The following ABLIM1 variants were observed in gnomAD, a reference collection of about 807,000 sequenced individuals.
The protein encoded by ABLIM1 is actin-binding LIM protein 1.
ABLIM1 carries 40 observed loss-of-function variants against 107.0 expected under a neutral mutation model. The ratio of observed to expected loss-of-function variants is 0.37; its 90% CI spans 0.29 to 0.49. The LOEUF is 0.49. ABLIM1 is among the 20% of genes least tolerant of loss of function. The pLI is 0.97. For missense variants in ABLIM1, 857 were observed against 1,008.5 expected, an observed-to-expected ratio of 0.85 and a Z score of 2.04; for synonymous variants, 357 against 357.3, an observed-to-expected ratio of 1.00 and a Z score of 0.01.
chr10:114,732,542 T>C lies in ABLIM1; in HGVS notation c.-213+35519A>G, dbSNP rs548827382. 6.7e-4 allele frequency among the ~76,000 whole-genome samples: 102 copies of C among 152,298 alleles called. 1 individual carries two copies. Among genetic ancestry groups the C allele is most frequent in the Admixed American group, 1.4e-3 (21 of 15,298 alleles). On this transcript the variant is annotated intron_variant, in intron 1 of 15. Coordinates refer to the ABLIM1 transcript ENST00000651092. ...GGTTGCAATTTTGCTTTCTCAATAATGTCATTTAAAGCACAAAAGATTATG... is the reference window on the plus strand; with the variant it reads ...GGTTGCAATTTTGCTTTCTCAATAACGTCATTTAAAGCACAAAAGATTATG...
At chr10:114,539,647 A>G (rs980180632) in intron 6 of ABLIM1, among the ~76,000 whole-genome samples, 16 of 152,198 alleles carry the variant, frequency 1.1e-4, no homozygotes, top group African/African-American at 3.9e-4. Flanking sequence ...GCTGTTGATA[A>G]TAACAACCAT....
intron 6 of ABLIM1, among the ~76,000 whole-genome samples, chr10:114,538,666 G>A (rs891199985): frequency 2.6e-5 from 4 of 152,196 alleles, no homozygotes; most frequent in Non-Finnish European, 5.9e-5. Context: ...TCAGAGCCCC[G>A]CCCTCTCCCT....
chr10:114,678,999 T>G (rs774784742), intron 1 of ABLIM1, among the ~76,000 whole-genome samples: 1 of 152,168 alleles, frequency 6.6e-6, no homozygotes, highest in Non-Finnish European at 1.5e-5. Flanking sequence ...CATGTAACTT[T>G]GAATGCCCTC....
chr10:114,511,069 A>G (rs1184421274), intron 6 of ABLIM1, among the ~76,000 whole-genome samples: 1 of 152,058 alleles, frequency 6.6e-6, no homozygotes, highest in Non-Finnish European at 1.5e-5. Flanking sequence ...GTCTTCCACT[A>G]AAGTTTAAGT....
At chr10:114,486,104 G>A (rs1385046671) in intron 8 of ABLIM1, among the ~76,000 whole-genome samples, 1 of 152,166 alleles carries the variant, frequency 6.6e-6, no homozygotes, top group African/African-American at 2.4e-5. Context: ...GAAAACAATA[G>A]CTCCTCTTGG....
intron 8 of ABLIM1, among the ~76,000 whole-genome samples, chr10:114,484,386 T>C (rs912377017): frequency 6.6e-6 from 1 of 152,120 alleles, no homozygotes; most frequent in African/African-American, 2.4e-5. Flanking sequence ...TCACTGTTCT[T>C]TTGTTTTTTT....
At chr10:114,554,517 T>C (rs538395267) in intron 4 of ABLIM1, among the ~76,000 whole-genome samples, 2 of 152,264 alleles carry the variant, frequency 1.3e-5, no homozygotes, top group Admixed American at 6.5e-5. Context: ...GGCAATATAG[T>C]GAGACCCCCG....
Position 114,707,702 on chromosome 10 carries a change from C to T in ABLIM1, c.-213+60359G>A, listed in dbSNP as rs1385356915. On this transcript the variant is annotated intron_variant, in intron 1 of 15. Transcript: ENST00000651092. This position sits in a 1 kb window ranked among gnomAD's most constrained non-coding sequence, Gnocchi z 4.1. ...ATCACTTAAGGCCAGGAGTTCGAGACCAACCTGGACAACATGGTGAAAACA... is the reference window on the plus strand; with the variant it reads ...ATCACTTAAGGCCAGGAGTTCGAGATCAACCTGGACAACATGGTGAAAACA... Among the ~76,000 whole-genome samples the T allele has an allele frequency of 6.6e-6, 1 of 151,974 alleles. No individual in the cohort carries two copies. The highest frequency in any genetic ancestry group is 1.5e-5 in the Non-Finnish European group (1 of 68,006).
At chr10:114,758,418 T>A (rs1424634810) in intron 1 of ABLIM1, among the ~76,000 whole-genome samples, 2 of 152,188 alleles carry the variant, frequency 1.3e-5, no homozygotes, top group Non-Finnish European at 2.9e-5. Flanking sequence ...ACTCACTCAA[T>A]GCTTAAGTGA....
chr10:114,631,894 A>G (rs751087321), intron 1 of ABLIM1: 2 of 1,304,138 alleles, frequency 1.5e-6, no homozygotes, highest in East Asian at 1.1e-4. Context: ...ATCGATATTT[A>G]TAATTACCTT....
intron 6 of ABLIM1, among the ~76,000 whole-genome samples, chr10:114,521,114 T>A (rs569544864): frequency 1.6e-4 from 24 of 152,132 alleles, no homozygotes; most frequent in Non-Finnish European, 2.6e-4. Flanking sequence ...ATAATAGGGA[T>A]GAGAAGGGAG....
chr10:114,575,433 A>C lies in ABLIM1; in HGVS notation c.546T>G (p.Phe182Leu). Residue 182 changes from phenylalanine (F) to leucine (L), a missense_variant, in exon 3 of 23, where the codon TTT becomes TTG. Physicochemically the swap from Phe to Leu is conservative, Grantham distance 22. This residue lies in a region of ABLIM1 where 381 missense variants were observed against 506.9 expected (regional missense o/e 0.75). Transcript: ENST00000533213. Reference protein sequence around the residue: ...ALGKTYHPNCFACTICKRPFP... With the variant: ...ALGKTYHPNCLACTICKRPFP... ...TCACTTACTTGCAGATAGTACAAGC[A>C]AAGCAATTGGGATGGTAGGTCTTGC... 1 of 1,614,042 alleles carries C rather than the reference A, an allele frequency of 6.2e-7. No individual in the cohort carries two copies. Among genetic ancestry groups the C allele is most frequent in the Non-Finnish European group, 8.5e-7 (1 of 1,179,964 alleles).
chr10:114,523,798 C>T (rs890294782), intron 6 of ABLIM1, among the ~76,000 whole-genome samples: 8 of 152,138 alleles, frequency 5.3e-5, no homozygotes, highest in African/African-American at 1.7e-4. Context: ...ATTCATTTGT[C>T]TGTTCATCAA....
At chr10:114,560,880 T>C (rs1158969049) in intron 4 of ABLIM1, among the ~76,000 whole-genome samples, 8 of 151,820 alleles carry the variant, frequency 5.3e-5, no homozygotes. Context: ...TGGGAAAAAG[T>C]GGGGGAAGGG....
Position 114,542,584 on chromosome 10 carries a change from G to GA in ABLIM1, c.894+2420dup. 2.3e-5 allele frequency among the ~76,000 whole-genome samples: 3 copies of GA among 128,574 alleles called. No homozygotes were observed. The South Asian group carries it at 7.8e-4, about 33-fold the overall frequency. 84.3% of individuals were successfully genotyped at this position (128,574 alleles called of 152,430 possible). A position where few individuals can be genotyped will look rare whatever the true frequency, so the allele number is the denominator to read the frequency against. Reference sequence around the variant, plus strand: ...GAAGAGAAGGGAGGAGGACGAGGAGGAGGAGGAAGGAGGAAGAAGAAGAAA... The same window carrying GA: ...GAAGAGAAGGGAGGAGGACGAGGAGGAAGGAGGAAGGAGGAAGAAGAAGAAA... On this transcript the variant is annotated intron_variant, in intron 6 of 22. Transcript: ENST00000533213.
upstream of ABLIM1, among the ~76,000 whole-genome samples, chr10:114,685,254 C>T (rs1210263150): frequency 2.0e-5 from 3 of 152,104 alleles, no homozygotes; most frequent in Non-Finnish European, 4.4e-5. Context: ...GACAAATATC[C>T]TTGGCATCAG....
chr10:114,553,077 A>C (rs2068276116), intron 4 of ABLIM1, among the ~76,000 whole-genome samples: 1 of 142,898 alleles, frequency 7.0e-6, no homozygotes, highest in Non-Finnish European at 1.5e-5. Context: ...GTTCTCCTTG[A>C]GAACTATTTC....
intron 1 of ABLIM1, among the ~76,000 whole-genome samples, chr10:114,757,121 A>G (rs1591950246): frequency 1.3e-5 from 2 of 152,242 alleles, no homozygotes; most frequent in East Asian, 3.8e-4. Context: ...TTCCTTAAAC[A>G]TAAGCCATGT....
Position 114,582,068 on chromosome 10 carries a change from G to A in ABLIM1, c.380-6469C>T, listed in dbSNP as rs554424373. Among the ~76,000 whole-genome samples, 14 of 152,212 alleles carry A rather than the reference G, an allele frequency of 9.2e-5. No homozygotes were observed. In the East Asian group the frequency reaches 1.4e-3, roughly 15 times the overall value. ...AGTCATCCAAATAGGAAAAAAAGTC[G>A]TCAAACGGTCTCTCTTTGCCGATGA... On this transcript the variant is annotated intron_variant, in intron 2 of 22. Coordinates refer to ENST00000533213, the MANE Select transcript of ABLIM1 (RefSeq NM_002313.7).
Sources: allele counts gnomAD v4.1 joint callset (sites outside exome capture counted in the v4.1 genomes callset), GRCh38; gene constraint gnomAD v4.1.1; regional missense constraint gnomAD v4.1.1; non-coding constraint Gnocchi (gnomAD v3.1); transcripts MANE v1.5; gene names NCBI Gene and HGNC (gene_info 2026-07-23, HGNC 2026-07-21).